The following TAAR5 variants were observed in gnomAD, a reference collection of about 807,000 sequenced individuals.
TAAR5 encodes trace amine associated receptor 5.
A neutral mutation model predicts 21.1 loss-of-function variants in TAAR5; 27 were observed. The ratio of observed to expected loss-of-function variants is 1.28; its 90% confidence interval spans 0.94 to 1.76. The LOEUF is 1.76. Ranked by LOEUF, TAAR5 falls within the 40% of genes most tolerant of loss-of-function variation. TAAR5 has a pLI of 0.00. For synonymous variants in TAAR5, 203 were observed against 167.5 expected (o/e 1.21, Z -1.64); for missense variants, 495 against 405.6 (o/e 1.22, Z -1.89).
the TAAR5 span, among the ~76,000 whole-genome samples, chr6:132,597,598 G>A: frequency 6.6e-6 from 1 of 152,104 alleles, no homozygotes; most frequent in Admixed American, 6.5e-5. Context: ...ATAAAGTTAA[G>A]CCCTTTATGG....
chr6:132,605,041 C>T, the TAAR5 span, among the ~76,000 whole-genome samples: 7 of 152,272 alleles, frequency 4.6e-5, no homozygotes, highest in South Asian at 2.1e-4. Context: ...GATAAGTACC[C>T]GATTTCACCC....
rs1486752714 is a variant in TAAR5 at position 132,589,516 on chromosome 6, A to T, written c.171T>A (p.Phe57Leu). ...IIVLGNVFVA[F>L]AVSYFKALHT... is the part of the protein sequence containing the mutation. ...GAAGCGCTTTGAAGTAGGACACAGCAAATGCCACAAATACATTCCCTAGCA... is the reference window on the plus strand; with the variant it reads ...GAAGCGCTTTGAAGTAGGACACAGCTAATGCCACAAATACATTCCCTAGCA... Residue 57 changes from phenylalanine (F) to leucine (L), a missense_variant, in exon 1 of 1, where the codon TTT (phenylalanine) becomes TTA (leucine). Physicochemically the swap from Phe to Leu is conservative, Grantham distance 22. Transcript: ENST00000258034. 11 of 1,613,942 alleles carry T rather than the reference A, an allele frequency of 6.8e-6. No individual in the cohort carries two copies. The African/African-American group carries it at 1.2e-4, about 18-fold the overall frequency.
At position 132,588,946 on chromosome 6, in the gene TAAR5, C is replaced by G. The variant is rs764860165; in HGVS notation, c.741G>C (p.Glu247Asp). The G allele has an allele frequency of 6.2e-7, 1 of 1,613,996 alleles. No individual in the cohort carries two copies. Among genetic ancestry groups the G allele is most frequent in the African/African-American group, 1.3e-5 (1 of 74,916 alleles). ...TGCCCAGGGTCTTGGCAGCTTTTCT[C>G]TCATGCTTGGCAGCCCCAGCCAGGC... ...SKSLAGAAKH[E>D]RKAAKTLGIA... Residue 247 changes from glutamate to aspartate, a missense_variant, in exon 1 of 1, where the codon GAG (glutamate) becomes GAC (aspartate). Transcript: ENST00000258034.
chr6:132,590,402 A>G (rs985996045), upstream of TAAR5, among the ~76,000 whole-genome samples: 7 of 152,240 alleles, frequency 4.6e-5, no homozygotes, highest in African/African-American at 1.7e-4. Context: ...TTGATAGGCA[A>G]AATGATTTTA....
the TAAR5 span, among the ~76,000 whole-genome samples, chr6:132,610,288 A>G: frequency 6.6e-6 from 1 of 152,306 alleles, no homozygotes; most frequent in East Asian, 1.9e-4. Context: ...ATAACAAAGC[A>G]CAGAGTCTGC....
the TAAR5 span, among the ~76,000 whole-genome samples, chr6:132,603,786 A>G: frequency 1.3e-5 from 2 of 152,168 alleles, no homozygotes; most frequent in Non-Finnish European, 1.5e-5. Context: ...TAAGTTTACA[A>G]TTTAAGTATT....
chr6:132,589,501 G>T lies in TAAR5; in HGVS notation c.186C>A (p.Phe62Leu). ...NVFVAFAVSYFKALHTPTNFL... is the reference protein window; with the variant it reads ...NVFVAFAVSYLKALHTPTNFL... ...AGTTGGTGGGCGTGTGAAGCGCTTT[G>T]AAGTAGGACACAGCAAATGCCACAA... is the stretch of plus-strand genomic sequence containing the variant. Residue 62 changes from phenylalanine to leucine, a missense_variant, in exon 1 of 1, where the codon TTC (phenylalanine) becomes TTA (leucine). By Grantham distance (22) the Phe-to-Leu change is conservative (BLOSUM62 0). Transcript: ENST00000258034. 6.2e-7 allele frequency: 1 copy of T among 1,613,890 alleles called. No individual in the cohort carries two copies. Among genetic ancestry groups the T allele is most frequent in the Non-Finnish European group, 8.5e-7 (1 of 1,179,926 alleles).
chr6:132,589,554 T>A lies in TAAR5; in HGVS notation c.133A>T (p.Met45Leu). The part of the protein sequence containing the change: ...LVIYLACAAG[M>L]LIIVLGNVFV... ...ACATTCCCTAGCACGATAATCAGCA[T>A]GCCTGCTGCACAGGCCAGGTAGATG... The change falls in exon 1 of 1, where the codon ATG becomes TTG. Residue 45 changes from methionine (M) to leucine (L), a missense_variant. Physicochemically the swap from Met to Leu is conservative, Grantham distance 15. Transcript: ENST00000258034. 6.2e-7 allele frequency: 1 copy of A among 1,613,958 alleles called. No homozygotes were observed. The highest frequency in any genetic ancestry group is 8.5e-7 in the Non-Finnish European group (1 of 1,179,950).
At chr6:132,615,437 A>C in the TAAR5 span, among the ~76,000 whole-genome samples, 1 of 148,294 alleles carries the variant, frequency 6.7e-6, no homozygotes, top group Non-Finnish European at 1.5e-5. Flanking sequence ...GAATTTTGAA[A>C]ATCTTTATTT....
the TAAR5 span, among the ~76,000 whole-genome samples, chr6:132,597,013 C>T: frequency 2.0e-5 from 3 of 152,022 alleles, no homozygotes; most frequent in South Asian, 6.2e-4. Context: ...TCAGCATTTG[C>T]CACTATATAT....
At chr6:132,591,949 G>A (rs1213241104), upstream of TAAR5, among the ~76,000 whole-genome samples, 2 of 152,226 alleles carry the variant, frequency 1.3e-5, no homozygotes, top group African/African-American at 4.8e-5. Flanking sequence ...TCTCTGGCAT[G>A]TAGAAAGTTG....
chr6:132,605,328 C>T, the TAAR5 span, among the ~76,000 whole-genome samples: 1 of 152,164 alleles, frequency 6.6e-6, no homozygotes, highest in East Asian at 1.9e-4. Flanking sequence ...GATGAGTTTC[C>T]AAATGAATAT....
chr6:132,603,889 C>T, the TAAR5 span, among the ~76,000 whole-genome samples: 1 of 151,844 alleles, frequency 6.6e-6, no homozygotes, highest in African/African-American at 2.4e-5. Context: ...TAAGGGAATT[C>T]AATTCACTGG....
chr6:132,615,294 G>A, the TAAR5 span, among the ~76,000 whole-genome samples: 1 of 152,178 alleles, frequency 6.6e-6, no homozygotes, highest in East Asian at 1.9e-4. Context: ...TTAAATGCTG[G>A]CTAATATCCA....
chr6:132,610,069 A>T, the TAAR5 span, among the ~76,000 whole-genome samples: 1 of 152,148 alleles, frequency 6.6e-6, no homozygotes, highest in Non-Finnish European at 1.5e-5. Context: ...GACCAATAAA[A>T]ATTACAAATT....
chr6:132,601,067 AGGAAGGAAGGAG>A, the TAAR5 span, among the ~76,000 whole-genome samples: 1 of 128,050 alleles, frequency 7.8e-6, no homozygotes, highest in East Asian at 2.6e-4. Flanking sequence ...GAGGGAAAGA[AGGAAGGAAGGAG>A]GGAAGGAAGG....
chr6:132,607,874 T>C, the TAAR5 span, among the ~76,000 whole-genome samples: 1 of 152,178 alleles, frequency 6.6e-6, no homozygotes, highest in South Asian at 2.1e-4. Context: ...ATTCCTAGAA[T>C]GGTATCAGAT....
the TAAR5 span, chr6:132,609,165 T>C: frequency 5.3e-6 from 2 of 378,286 alleles, no homozygotes; most frequent in Admixed American, 3.3e-5. Flanking sequence ...GCTCCAGTCA[T>C]AACCGAATAC....
the TAAR5 span, among the ~76,000 whole-genome samples, chr6:132,615,081 C>T: frequency 6.6e-6 from 1 of 152,158 alleles, no homozygotes; most frequent in Non-Finnish European, 1.5e-5. Context: ...CCAGGACGGT[C>T]TCCATCTCTT....
Sources: gnomAD v4.1 joint callset for allele counts (sites outside exome capture counted in the v4.1 genomes callset) on GRCh38, gnomAD v4.1.1 for gene constraint, MANE v1.5 for transcripts, NCBI Gene and HGNC (gene_info 2026-07-23, HGNC 2026-07-21) for gene names.